GALNT14: variants seen among roughly 807,000 people sequenced by gnomAD.
GALNT14 encodes UDP-GalNAc:polypeptide N-acetylgalactosaminyltransferase 14.
Under a neutral mutation model 77.5 loss-of-function variants are expected in GALNT14, and 60 were observed. The ratio of observed to expected loss-of-function variants is 0.77; its 90% confidence interval spans 0.63 to 0.96. The LOEUF is 0.96. GALNT14 is among the 40% of genes least tolerant of loss of function. The pLI, the probability that GALNT14 is intolerant of heterozygous loss-of-function variation, is 0.00. For missense variants in GALNT14, 710 were observed against 731.0 expected (o/e 0.97, Z 0.33); for synonymous variants, 280 against 281.7 (o/e 0.99, Z 0.06).
At chr2:31,031,010 G>A (rs1672374687) in intron 1 of GALNT14, among the ~76,000 whole-genome samples, 1 of 152,214 alleles carries the variant, frequency 6.6e-6, no homozygotes, top group Non-Finnish European at 1.5e-5. Flanking sequence ...AAGCGCATGT[G>A]TGTAGTCACA....
chr2:30,962,190 T>C (rs932428960), intron 3 of GALNT14, among the ~76,000 whole-genome samples: 3 of 152,194 alleles, frequency 2.0e-5, no homozygotes, highest in Non-Finnish European at 4.4e-5. Context: ...CCTTTCCCTA[T>C]CTGAAATTAC....
At chr2:30,962,979 C>T (rs886999947) in intron 3 of GALNT14, among the ~76,000 whole-genome samples, 1 of 152,104 alleles carries the variant, frequency 6.6e-6, no homozygotes, top group Admixed American at 6.5e-5. Flanking sequence ...CTGCCTCCAC[C>T]CCTAACATTC....
chr2:30,896,609 A>C, the GALNT14 span, among the ~76,000 whole-genome samples: 1 of 152,158 alleles, frequency 6.6e-6, no homozygotes, highest in Non-Finnish European at 1.5e-5. Context: ...CCAAGCAAGC[A>C]CTGTATAAGT....
At position 30,951,890 on chromosome 2, in the gene GALNT14, G is replaced by C. The variant is rs368253955; in HGVS notation, c.654+3728C>G. Among the ~76,000 whole-genome samples the C allele has an allele frequency of 9.9e-5, 15 of 152,274 alleles. No homozygotes were observed. In the East Asian group the frequency reaches 2.1e-3, roughly 22 times the overall value. ...AGGAACTTCAGTTCCAGGGTGCATG[G>C]TCAGCAAACTGAGAGGGTAAGGGGT... On this transcript the variant is annotated intron_variant, in intron 6 of 14. Coordinates refer to ENST00000349752, the MANE Select transcript of GALNT14 (RefSeq NM_024572.4).
chr2:30,945,728 G>C (rs575803502), intron 7 of GALNT14, 55 bp downstream of exon 7: 2 of 1,408,170 alleles, frequency 1.4e-6, no homozygotes, highest in African/African-American at 2.8e-5. Flanking sequence ...CTTAAAAGCA[G>C]TGACTGAGAG....
chr2:31,049,415 G>A (rs1482179336), intron 1 of GALNT14, among the ~76,000 whole-genome samples: 1 of 152,228 alleles, frequency 6.6e-6, no homozygotes, highest in Non-Finnish European at 1.5e-5. Context: ...AGCTGAGCTG[G>A]CTCAGCTGTT....
chr2:30,979,883 T>A (rs909839100), intron 2 of GALNT14, among the ~76,000 whole-genome samples: 8 of 152,164 alleles, frequency 5.3e-5, no homozygotes, highest in African/African-American at 1.9e-4. Context: ...TTTTCATCTC[T>A]TGTCAAACAC....
chr2:30,909,346 C>G (rs1162593248), downstream of GALNT14, among the ~76,000 whole-genome samples: 7 of 151,646 alleles, frequency 4.6e-5, no homozygotes, highest in Non-Finnish European at 8.8e-5. Flanking sequence ...CTACAATGAA[C>G]TCAGACAAAT....
At position 31,120,833 on chromosome 2, in the gene GALNT14, G is replaced by A. The variant is rs1678374042; in HGVS notation, c.129+17125C>T. On this transcript the variant is annotated intron_variant, in intron 1 of 14. Coordinates refer to ENST00000349752, the MANE Select transcript of GALNT14 (RefSeq NM_024572.4). ...CGGCCCCCAAAGTGCTGGGATTACAGGCGTGAGCCACCACGCCCAGCCATG... is the reference window on the plus strand; with the variant it reads ...CGGCCCCCAAAGTGCTGGGATTACAAGCGTGAGCCACCACGCCCAGCCATG... 3.3e-5 allele frequency among the ~76,000 whole-genome samples: 5 copies of A among 152,218 alleles called. 1 individual carries two copies. The highest frequency in any genetic ancestry group is 3.3e-4 in the Admixed American group (5 of 15,284).
chr2:30,931,500 T>C (rs1383101428), intron 10 of GALNT14, among the ~76,000 whole-genome samples: 1 of 151,684 alleles, frequency 6.6e-6, no homozygotes, highest in Non-Finnish European at 1.5e-5. Context: ...GGTCTCTGAG[T>C]CCCAGTAAGA....
chr2:31,037,212 C>T (rs1367391843), intron 1 of GALNT14, among the ~76,000 whole-genome samples: 2 of 152,100 alleles, frequency 1.3e-5, no homozygotes, highest in African/African-American at 2.4e-5. Flanking sequence ...TCTCAGTTAA[C>T]CTATTTGCAA....
At chr2:30,938,308 T>TAC (rs10623006) in intron 9 of GALNT14, among the ~76,000 whole-genome samples, 19,430 of 142,650 alleles carry the variant, frequency 0.14, 2,628 homozygotes, top group African/African-American at 0.36. Context: ...ACATACACCC[T>TAC]ACACACACAC....
intron 1 of GALNT14, among the ~76,000 whole-genome samples, chr2:31,028,640 G>A (rs1672224043): frequency 6.6e-6 from 1 of 152,226 alleles, no homozygotes; most frequent in African/African-American, 2.4e-5. Flanking sequence ...AGGCGGGGTA[G>A]CGGTGAAACA....
At chr2:30,946,502 C>A (rs1392472266) in intron 6 of GALNT14, among the ~76,000 whole-genome samples, 2 of 152,140 alleles carry the variant, frequency 1.3e-5, no homozygotes, top group Non-Finnish European at 2.9e-5. Context: ...ATGTGACCAG[C>A]CTGCTCCCCC....
intron 1 of GALNT14, among the ~76,000 whole-genome samples, chr2:31,009,215 C>T (rs886071237): frequency 1.3e-5 from 2 of 152,192 alleles, no homozygotes; most frequent in African/African-American, 2.4e-5. Flanking sequence ...AAGAGGATCT[C>T]ACATTTATTG....
At chr2:30,893,314 GAA>G in the GALNT14 span, among the ~76,000 whole-genome samples, 3 of 152,144 alleles carry the variant, frequency 2.0e-5, no homozygotes. Context: ...TGAGATTATG[GAA>G]AGTGTTATTA....
chr2:30,907,286 G>A (rs1664170111), downstream of GALNT14, among the ~76,000 whole-genome samples: 1 of 152,000 alleles, frequency 6.6e-6, no homozygotes, highest in Non-Finnish European at 1.5e-5. Flanking sequence ...TTTTTTGAAA[G>A]GATCAACAAA....
At chr2:31,051,376 G>A (rs1055940099) in intron 1 of GALNT14, among the ~76,000 whole-genome samples, 1 of 152,166 alleles carries the variant, frequency 6.6e-6, no homozygotes, top group African/African-American at 2.4e-5. Context: ...CATAATATGG[G>A]TGGGCCTCAC....
At chr2:31,070,927 A>G (rs1243326292) in intron 1 of GALNT14, among the ~76,000 whole-genome samples, 2 of 152,248 alleles carry the variant, frequency 1.3e-5, no homozygotes, top group Admixed American at 6.5e-5. Context: ...TCAGGCTTGG[A>G]AAAAATGAAA....
Sources: gnomAD v4.1 joint callset for allele counts (sites outside exome capture counted in the v4.1 genomes callset) on GRCh38, gnomAD v4.1.1 for gene constraint, MANE v1.5 for transcripts, NCBI Gene and HGNC (gene_info 2026-07-23, HGNC 2026-07-21) for gene names.